The following ROR1 variants were observed in gnomAD, a reference collection of about 807,000 sequenced individuals.
The protein encoded by ROR1 is ROR family WNT receptor 1, also known as inactive tyrosine-protein kinase transmembrane receptor ROR1.
ROR1 carries 19 observed loss-of-function variants against 78.8 expected under a neutral mutation model. The observed-to-expected ratio is 0.24, with a 90% CI of 0.17 to 0.35. ROR1 has a LOEUF of 0.35. Among genes scored for constraint, ROR1 ranks in the 10% least tolerant of loss-of-function variants. The pLI, the probability that ROR1 is intolerant of heterozygous loss-of-function variation, is 1.00. For missense variants in ROR1, 917 were observed against 1,177.8 expected, an observed-to-expected ratio of 0.78 and a Z score of 3.24; for synonymous variants, 386 against 433.6, an observed-to-expected ratio of 0.89 and a Z score of 1.36.
At chr1:63,775,812 A>G (rs1421190580) in intron 1 of ROR1, among the ~76,000 whole-genome samples, 4 of 152,170 alleles carry the variant, frequency 2.6e-5, no homozygotes, top group Admixed American at 2.0e-4. Context: ...TCTGAAACGG[A>G]TCCTATAATG....
intron 7 of ROR1, among the ~76,000 whole-genome samples, chr1:64,146,462 C>T (rs762522747): frequency 7.9e-5 from 12 of 152,008 alleles, no homozygotes; most frequent in African/African-American, 2.4e-4. Flanking sequence ...GGCGATAGAG[C>T]GAGACTCAGT....
intron 1 of ROR1, among the ~76,000 whole-genome samples, chr1:63,973,106 G>C (rs1332419024): frequency 6.6e-6 from 1 of 152,178 alleles, no homozygotes; most frequent in African/African-American, 2.4e-5. Context: ...GCCTGTCTTG[G>C]CTTTGCAGCA....
At chr1:63,997,169 C>T (rs1443512576) in intron 1 of ROR1, among the ~76,000 whole-genome samples, 1 of 152,142 alleles carries the variant, frequency 6.6e-6, no homozygotes, top group Non-Finnish European at 1.5e-5. Flanking sequence ...TTTTTCTCCC[C>T]ATCTATGCCT....
chr1:63,873,572 G>A (rs998734065), intron 1 of ROR1, among the ~76,000 whole-genome samples: 20 of 152,172 alleles, frequency 1.3e-4, no homozygotes, highest in African/African-American at 4.8e-4. Context: ...TCAGTCCATT[G>A]ATCAAGTCAA....
chr1:63,864,672 A>G (rs907334189), intron 1 of ROR1, among the ~76,000 whole-genome samples: 3 of 152,084 alleles, frequency 2.0e-5, no homozygotes, highest in Non-Finnish European at 4.4e-5. Context: ...TGAACAAGTG[A>G]GTGGCTATAG....
chr1:64,089,281 C>T (rs996200898), intron 4 of ROR1, among the ~76,000 whole-genome samples: 4 of 151,898 alleles, frequency 2.6e-5, no homozygotes, highest in African/African-American at 9.7e-5. Flanking sequence ...ATAATCATGG[C>T]TCACTGCAGA....
chr1:64,160,844 A>G (rs1260851446), intron 8 of ROR1, among the ~76,000 whole-genome samples: 7 of 152,172 alleles, frequency 4.6e-5, no homozygotes, highest in Admixed American at 4.6e-4. Context: ...GGCGGGGGAG[A>G]GACCTAGATC....
At chr1:64,013,218 T>A (rs576020295) in intron 2 of ROR1, among the ~76,000 whole-genome samples, 15 of 152,192 alleles carry the variant, frequency 9.9e-5, no homozygotes, top group Admixed American at 2.0e-4. Flanking sequence ...TATTAAAATA[T>A]CATGCGTACT....
At chr1:63,818,672 TC>T (rs768597821) in intron 1 of ROR1, among the ~76,000 whole-genome samples, 3 of 152,340 alleles carry the variant, frequency 2.0e-5, no homozygotes, top group Non-Finnish European at 2.9e-5. Context: ...TGGGCATTTT[TC>T]CCCTCCCCTA....
chr1:63,871,085 A>G (rs374436210), intron 1 of ROR1, among the ~76,000 whole-genome samples: 2 of 152,248 alleles, frequency 1.3e-5, no homozygotes, highest in Admixed American at 6.5e-5. Context: ...GGCATAAATA[A>G]TAAGCACTCA....
At chr1:63,919,280 C>T (rs1195938262) in intron 1 of ROR1, among the ~76,000 whole-genome samples, 1 of 152,076 alleles carries the variant, frequency 6.6e-6, no homozygotes, top group Non-Finnish European at 1.5e-5. Context: ...TGATTAAGGA[C>T]CAAAAAGAGC....
chr1:63,911,328 G>A lies in ROR1; in HGVS notation c.92-97977G>A, dbSNP rs201714481. Among the ~76,000 whole-genome samples, 27 of 152,170 alleles carry A rather than the reference G, an allele frequency of 1.8e-4. No homozygotes were observed. The East Asian group carries it at 1.9e-3, about 11-fold the overall frequency. The stretch of plus-strand genomic sequence containing the variant: ...TGGGCATTAGAATGATACTCTATCC[G>A]TTAGTACAGGGGTCCCCAACCTCAA... On this transcript the variant is annotated intron_variant, in intron 1 of 8. Transcript: ENST00000371079.
intron 1 of ROR1, among the ~76,000 whole-genome samples, chr1:63,873,383 C>T (rs965548071): frequency 6.6e-6 from 1 of 152,088 alleles, no homozygotes; most frequent in African/African-American, 2.4e-5. Context: ...TCTCCCACCC[C>T]ACTCCTCCAA....
intron 2 of ROR1, among the ~76,000 whole-genome samples, chr1:64,043,762 C>T (rs1646762702): frequency 6.6e-6 from 1 of 152,136 alleles, no homozygotes; most frequent in Non-Finnish European, 1.5e-5. Context: ...TGGGTCCTGG[C>T]TCTGCCGCTT....
chr1:64,025,842 A>C (rs1646604757), intron 2 of ROR1, among the ~76,000 whole-genome samples: 1 of 152,126 alleles, frequency 6.6e-6, no homozygotes, highest in Non-Finnish European at 1.5e-5. Context: ...AGAATGATAC[A>C]ATGGACTCTG....
At chr1:63,787,028 C>A (rs755842435) in intron 1 of ROR1, among the ~76,000 whole-genome samples, 15 of 152,136 alleles carry the variant, frequency 9.9e-5, no homozygotes, top group Non-Finnish European at 1.9e-4. Flanking sequence ...ATGAATTGAT[C>A]CAAATGTCAG....
Position 63,952,511 on chromosome 1 carries a change from GC to G in ROR1, c.92-56792del, listed in dbSNP as rs1399037259. ...GGGCAGAGTTCAGCATAGAAAGAAGGCCAGTGGCAGCCACTGCAGGGCCCCA... is the reference window on the plus strand; with the variant it reads ...GGGCAGAGTTCAGCATAGAAAGAAGGCAGTGGCAGCCACTGCAGGGCCCCA... On this transcript the variant is annotated intron_variant, in intron 1 of 8. Coordinates refer to ENST00000371079, the MANE Select transcript of ROR1 (RefSeq NM_005012.4). Among the ~76,000 whole-genome samples the G allele has an allele frequency of 2.0e-5, 3 of 152,132 alleles. No homozygotes were observed. In the East Asian group the frequency reaches 5.8e-4, roughly 29 times the overall value.
intron 4 of ROR1, among the ~76,000 whole-genome samples, chr1:64,121,635 TA>T (rs1316655478): frequency 6.6e-6 from 1 of 151,212 alleles, no homozygotes; most frequent in Non-Finnish European, 1.5e-5. Context: ...ATAACGGTAA[TA>T]AAAGTGGACT....
chr1:63,844,490 T>A (rs1645068671), intron 1 of ROR1, among the ~76,000 whole-genome samples: 1 of 152,190 alleles, frequency 6.6e-6, no homozygotes, highest in East Asian at 1.9e-4. Context: ...GTTTTATTTA[T>A]CTTTGTGTTG....
Sources: allele counts gnomAD v4.1 joint callset (sites outside exome capture counted in the v4.1 genomes callset), GRCh38; gene constraint gnomAD v4.1.1; transcripts MANE v1.5; gene names NCBI Gene and HGNC (gene_info 2026-07-23, HGNC 2026-07-21).